The following CTNNA3 variants were observed in gnomAD, a reference collection of about 807,000 sequenced individuals.
The protein encoded by CTNNA3 is catenin alpha-3.
CTNNA3 carries 76 observed loss-of-function variants against 95.7 expected under a neutral mutation model. That is an observed-to-expected ratio of 0.79 (90% CI 0.66 to 0.96). The LOEUF is 0.96. CTNNA3 is among the 40% of genes least tolerant of loss of function. CTNNA3 has a pLI of 0.00. For missense variants in CTNNA3, 1,191 were observed against 1,089.8 expected (o/e 1.09, Z -1.31); for synonymous variants, 431 against 374.4 (o/e 1.15, Z -1.74).
chr10:67,364,411 C>G (rs1031696537), intron 5 of CTNNA3, among the ~76,000 whole-genome samples: 1 of 152,130 alleles, frequency 6.6e-6, no homozygotes, highest in East Asian at 1.9e-4. Flanking sequence ...AAAATTGGCA[C>G]AAGACAAGGA....
At chr10:65,988,501 G>T (rs2078473017) in intron 16 of CTNNA3, among the ~76,000 whole-genome samples, 191 bp downstream of exon 16, 3 of 152,196 alleles carry the variant, frequency 2.0e-5, no homozygotes, top group South Asian at 4.1e-4. Context: ...AAAAATATCT[G>T]CCCTAAGAAA....
chr10:65,998,813 C>T (rs2078715556), intron 15 of CTNNA3, among the ~76,000 whole-genome samples: 1 of 152,076 alleles, frequency 6.6e-6, no homozygotes, highest in South Asian at 2.1e-4. Context: ...AGAAGAATAG[C>T]ACTATGTAGT....
At chr10:66,025,147 A>T (rs2079309657) in intron 15 of CTNNA3, among the ~76,000 whole-genome samples, 1 of 152,342 alleles carries the variant, frequency 6.6e-6, no homozygotes, top group African/African-American at 2.4e-5. Flanking sequence ...CTCTATTTGC[A>T]TTTGTCCACC....
Position 65,956,953 on chromosome 10 carries a change from C to T in CTNNA3, c.2400+9659G>A, listed in dbSNP as rs376637822. Among the ~76,000 whole-genome samples the T allele has an allele frequency of 3.3e-5, 5 of 152,192 alleles. No homozygotes were observed. The East Asian group carries it at 9.7e-4, about 29-fold the overall frequency. The stretch of plus-strand genomic sequence containing the variant: ...AGTCCTGGATATCCTTGTTAACTTT[C>T]TGTCCCGTTGATGTGTCTAATGTTG... On this transcript the variant is annotated intron_variant, in intron 17 of 17. Transcript: ENST00000433211.
chr10:67,129,963 C>T (rs1486709678), intron 7 of CTNNA3, among the ~76,000 whole-genome samples: 1 of 151,978 alleles, frequency 6.6e-6, no homozygotes, highest in Non-Finnish European at 1.5e-5. Flanking sequence ...ATCTAGGATC[C>T]ATATAGAAGC....
intron 5 of CTNNA3, among the ~76,000 whole-genome samples, chr10:67,260,208 T>C (rs977968729): frequency 7.9e-5 from 12 of 152,134 alleles, no homozygotes; most frequent in African/African-American, 2.9e-4. Flanking sequence ...AGCATGATAA[T>C]GGAGAAGGAA....
At chr10:67,194,729 C>T (rs755515043) in intron 6 of CTNNA3, among the ~76,000 whole-genome samples, 10 of 151,714 alleles carry the variant, frequency 6.6e-5, no homozygotes, top group Non-Finnish European at 1.3e-4. Flanking sequence ...GTGATAACAA[C>T]GTGTCAGTTT....
Position 66,172,639 on chromosome 10 carries a change from T to C in CTNNA3, c.1885-69390A>G, listed in dbSNP as rs147795719. The stretch of plus-strand genomic sequence containing the variant: ...TGCATCTATGATAAATTGATGGTAT[T>C]TCTTTAGGAAAGAAATACCTGTTTT... On this transcript the variant is annotated intron_variant, in intron 13 of 17. Transcript: ENST00000433211. Among the ~76,000 whole-genome samples the C allele has an allele frequency of 3.9e-3, 587 of 152,266 alleles. 4 individuals are homozygous for C. Among genetic ancestry groups the C allele is most frequent in the Non-Finnish European group, 6.5e-3 (440 of 68,018 alleles).
At chr10:67,455,446 G>A (rs927866213) in intron 5 of CTNNA3, among the ~76,000 whole-genome samples, 6 of 152,102 alleles carry the variant, frequency 3.9e-5, no homozygotes, top group Non-Finnish European at 8.8e-5. Flanking sequence ...CCTTGAGTGT[G>A]GACTGCATTA....
At chr10:66,839,951 A>C (rs532228125) in intron 7 of CTNNA3, among the ~76,000 whole-genome samples, 1 of 152,144 alleles carries the variant, frequency 6.6e-6, no homozygotes, top group Admixed American at 6.6e-5. Flanking sequence ...TGTTTGAAGT[A>C]TCTGATTTGG....
intron 7 of CTNNA3, among the ~76,000 whole-genome samples, chr10:66,894,669 A>C (rs550066255): frequency 5.3e-5 from 8 of 152,190 alleles, no homozygotes; most frequent in African/African-American, 1.9e-4. Flanking sequence ...ATTTGTGTGA[A>C]TGTATATTTT....
At chr10:67,359,384 C>G (rs1193131566) in intron 5 of CTNNA3, among the ~76,000 whole-genome samples, 2 of 152,014 alleles carry the variant, frequency 1.3e-5, no homozygotes, top group Non-Finnish European at 2.9e-5. Context: ...TACACCCTAA[C>G]TAGATTAAAA....
At chr10:66,777,803 A>ATG (rs1564676641) in intron 7 of CTNNA3, among the ~76,000 whole-genome samples, 41 of 149,508 alleles carry the variant, frequency 2.7e-4, no homozygotes, top group Admixed American at 1.5e-3. Flanking sequence ...ACACATGCAC[A>ATG]CACACACACA....
chr10:66,799,485 G>C (rs957179350), intron 7 of CTNNA3, among the ~76,000 whole-genome samples: 2 of 151,468 alleles, frequency 1.3e-5, no homozygotes, highest in Admixed American at 6.6e-5. Context: ...TTATTGGACA[G>C]AACTAACAGT....
intron 14 of CTNNA3, among the ~76,000 whole-genome samples, chr10:66,101,918 A>G (rs907786971): frequency 6.6e-6 from 1 of 152,276 alleles, no homozygotes; most frequent in East Asian, 1.9e-4. Flanking sequence ...TCTTCTTCAA[A>G]TCAGTTTCCA....
At chr10:67,452,738 GA>G (rs1450985483) in intron 5 of CTNNA3, among the ~76,000 whole-genome samples, 3 of 152,180 alleles carry the variant, frequency 2.0e-5, no homozygotes, top group Non-Finnish European at 2.9e-5. Flanking sequence ...TTGTCTTGAA[GA>G]AAAGGATAGG....
chr10:67,311,414 A>G (rs1368669025), intron 5 of CTNNA3, among the ~76,000 whole-genome samples: 2 of 152,180 alleles, frequency 1.3e-5, no homozygotes, highest in African/African-American at 2.4e-5. Context: ...AAAACCAAAT[A>G]CCTGAAAAAC....
chr10:66,400,912 A>G (rs1028910768), intron 11 of CTNNA3, among the ~76,000 whole-genome samples: 2 of 152,172 alleles, frequency 1.3e-5, no homozygotes, highest in Non-Finnish European at 2.9e-5. Flanking sequence ...AGACATAGAA[A>G]TAAGCCTGGT....
intron 9 of CTNNA3, among the ~76,000 whole-genome samples, chr10:66,728,979 A>G (rs1208273492): frequency 6.6e-6 from 1 of 152,074 alleles, no homozygotes; most frequent in East Asian, 1.9e-4. Context: ...ACTAGCCAGC[A>G]CTCTCAGCAT....
Sources: gnomAD v4.1 joint callset for allele counts (sites outside exome capture counted in the v4.1 genomes callset) on GRCh38, gnomAD v4.1.1 for gene constraint, MANE v1.5 for transcripts, NCBI Gene and HGNC (gene_info 2026-07-23, HGNC 2026-07-21) for gene names.